Variants in BRAF observed in about 807,000 individuals in gnomAD.
The protein encoded by BRAF is B-Raf proto-oncogene, serine/threonine kinase.
In BRAF, 16 loss-of-function variants were observed where a neutral mutation model predicts 104.6. The ratio of observed to expected loss-of-function variants is 0.15; its 90% CI spans 0.10 to 0.23. BRAF has a LOEUF of 0.23. BRAF is among the 10% of genes least tolerant of loss of function. The probability of loss-of-function intolerance (pLI) is 1.00; values close to 1 mark genes in which losing one functional copy is unlikely to be tolerated. For synonymous variants in BRAF, 310 were observed against 341.6 expected (o/e 0.91, Z 1.02); for missense variants, 541 against 937.3 (o/e 0.58, Z 5.52).
chr7:140,869,177 T>C (rs537758996), intron 1 of BRAF, among the ~76,000 whole-genome samples: 37 of 152,272 alleles, frequency 2.4e-4, no homozygotes, highest in African/African-American at 8.9e-4. Flanking sequence ...GAGCTGGGTA[T>C]ACAAATCTGA....
intron 17 of BRAF, among the ~76,000 whole-genome samples, chr7:140,746,293 C>T (rs571529280): frequency 6.6e-6 from 1 of 152,126 alleles, no homozygotes; most frequent in Admixed American, 6.5e-5. Context: ...CATTATTAAT[C>T]CCAATTTACA....
At chr7:140,838,398 T>C (rs866479326) in intron 2 of BRAF, among the ~76,000 whole-genome samples, 15 of 152,250 alleles carry the variant, frequency 9.9e-5, no homozygotes, top group South Asian at 2.1e-4. Context: ...TTAGTAATAA[T>C]TGATAACCTG....
chr7:140,804,558 C>T (rs536629829), intron 5 of BRAF, among the ~76,000 whole-genome samples: 1 of 152,192 alleles, frequency 6.6e-6, no homozygotes, highest in African/African-American at 2.4e-5. Flanking sequence ...CTCCTGACCT[C>T]GTGAGCTGCC....
At chr7:140,903,489 CT>C (rs1399787270) in intron 1 of BRAF, among the ~76,000 whole-genome samples, 1 of 152,194 alleles carries the variant, frequency 6.6e-6, no homozygotes, top group Non-Finnish European at 1.5e-5. Flanking sequence ...GACAATGTGC[CT>C]GGTCACCCAA....
chr7:140,802,199 A>G (rs2129044760), intron 5 of BRAF, among the ~76,000 whole-genome samples: 1 of 152,252 alleles, frequency 6.6e-6, no homozygotes, highest in East Asian at 1.9e-4. Context: ...GTGGTCCCAT[A>G]AGATTATAAA....
chr7:140,827,939 C>T (rs1457913989), intron 3 of BRAF, among the ~76,000 whole-genome samples: 1 of 152,028 alleles, frequency 6.6e-6, no homozygotes, highest in African/African-American at 2.4e-5. Context: ...TCTTGTTGCC[C>T]CGGCTGGAGT....
intron 1 of BRAF, among the ~76,000 whole-genome samples, chr7:140,896,315 A>T (rs1814890958): frequency 6.6e-6 from 1 of 152,146 alleles, no homozygotes; most frequent in Admixed American, 6.5e-5. Context: ...CCAGTAAAAA[A>T]ATATATTTTT....
At chr7:140,812,160 C>CTG (rs201757515) in intron 3 of BRAF, among the ~76,000 whole-genome samples, 12,347 of 140,454 alleles carry the variant, frequency 0.088, 511 homozygotes, top group Middle Eastern at 0.14. Context: ...GCATGCACAC[C>CTG]TGTGTGTGTG....
downstream of BRAF, among the ~76,000 whole-genome samples, chr7:140,718,759 A>G (rs1303394700): frequency 6.6e-6 from 1 of 152,124 alleles, no homozygotes; most frequent in Non-Finnish European, 1.5e-5. Context: ...GTCTGAAGAT[A>G]CTCTAGGAGT....
chr7:140,743,591 G>A (rs1401135245), intron 17 of BRAF, among the ~76,000 whole-genome samples: 2 of 152,022 alleles, frequency 1.3e-5, no homozygotes, highest in African/African-American at 2.4e-5. Flanking sequence ...GTGGAGTGGG[G>A]AGGGATAGCA....
At chr7:140,789,372 A>G (rs1453004324) in intron 8 of BRAF, among the ~76,000 whole-genome samples, 6 of 152,182 alleles carry the variant, frequency 3.9e-5, no homozygotes, top group African/African-American at 1.4e-4. Context: ...AATGGCCCCA[A>G]ATATCTCTGA....
chr7:140,885,272 G>A (rs1813433342), intron 1 of BRAF, among the ~76,000 whole-genome samples: 1 of 151,958 alleles, frequency 6.6e-6, no homozygotes, highest in African/African-American at 2.4e-5. Context: ...CAGAGTGCTG[G>A]GATTACAGGT....
At chr7:140,733,267 CCTT>C (rs1209743400) in intron 19 of BRAF, 1 of 152,114 alleles carries the variant, frequency 6.6e-6, no homozygotes, top group Admixed American at 6.5e-5. Context: ...TTCTCAATTT[CCTT>C]CTTTATTGAC....
intron 14 of BRAF, chr7:140,773,555 A>G (rs2129016062): frequency 6.6e-6 from 1 of 152,234 alleles, no homozygotes; most frequent in East Asian, 1.9e-4. Flanking sequence ...CTAGACATAG[A>G]TTAGGGTCTC....
chr7:140,874,573 G>A (rs897448363), intron 1 of BRAF, among the ~76,000 whole-genome samples: 25 of 140,936 alleles, frequency 1.8e-4, no homozygotes, highest in African/African-American at 5.8e-4. Context: ...AACATTCAAA[G>A]ATAGTGTCTC....
downstream of BRAF, among the ~76,000 whole-genome samples, chr7:140,717,074 A>C (rs542351459): frequency 5.1e-4 from 78 of 152,260 alleles, no homozygotes; most frequent in South Asian, 8.3e-4. Context: ...CTAACACAAC[A>C]ACCATTTCTG....
rs1795271440 is a variant in BRAF at position 140,720,555 on chromosome 7, A to C, written c.*5939T>G. 1 of 1,065,366 alleles carries C rather than the reference A, an allele frequency of 9.4e-7. No homozygotes were observed. Among genetic ancestry groups the C allele is most frequent in the African/African-American group, 1.6e-5 (1 of 61,078 alleles). The allele number at this position is 1,065,366 out of a possible 1,614,324, so 66.0% of individuals were successfully genotyped here. A position where few individuals can be genotyped will look rare whatever the true frequency, so the allele number is the denominator to read the frequency against. Reference sequence around the variant, plus strand: ...GGAATGATTCTTAAAAAAACCGTTCACAGCTTAGAATAAAAAGCATACTTA... The same window carrying C: ...GGAATGATTCTTAAAAAAACCGTTCCCAGCTTAGAATAAAAAGCATACTTA... On this transcript the variant is annotated 3_prime_UTR_variant, in exon 20 of 20. Transcript: ENST00000644969.
chr7:140,753,205 AC>A, intron 16 of BRAF, 69 bp downstream of exon 15: 2 of 1,095,688 alleles, frequency 1.8e-6, no homozygotes, highest in African/African-American at 3.1e-5. Flanking sequence ...ACCTTCAATG[AC>A]TTTCTAGTAA....
At chr7:140,878,797 T>C (rs1336391029) in intron 1 of BRAF, among the ~76,000 whole-genome samples, 1 of 152,192 alleles carries the variant, frequency 6.6e-6, no homozygotes, top group Non-Finnish European at 1.5e-5. Flanking sequence ...CCCAATCACC[T>C]TGACTTCAGC....
Sources: allele counts gnomAD v4.1 joint callset (sites outside exome capture counted in the v4.1 genomes callset), GRCh38; gene constraint gnomAD v4.1.1; transcripts MANE v1.5; gene names NCBI Gene and HGNC (gene_info 2026-07-23, HGNC 2026-07-21).